ANXA4: variants seen among roughly 807,000 people sequenced by gnomAD.
ANXA4 encodes annexin A4, also known as 35-beta calcimedin.
In ANXA4, 39 loss-of-function variants were observed where a neutral mutation model predicts 49.8. That is an observed-to-expected ratio of 0.78 (90% CI 0.61 to 1.02). The LOEUF (loss-of-function observed/expected upper bound fraction) is 1.02, where lower values mean the gene tolerates loss of function less well. ANXA4 is among the 50% of genes least tolerant of loss of function. The pLI is 0.00. For missense variants in ANXA4, 360 were observed against 410.1 expected, an observed-to-expected ratio of 0.88 and a Z score of 1.05; for synonymous variants, 134 against 152.5, an observed-to-expected ratio of 0.88 and a Z score of 0.89.
At chr2:69,763,916 C>T (rs1191435693) in intron 1 of ANXA4, among the ~76,000 whole-genome samples, 1 of 152,192 alleles carries the variant, frequency 6.6e-6, no homozygotes, top group African/African-American at 2.4e-5. Flanking sequence ...CCTCCTCGGC[C>T]TCCCAAAGTG....
At chr2:69,820,964 T>C (rs554085134) in intron 12 of ANXA4, 143 bp downstream of exon 12, 21 of 948,280 alleles carry the variant, frequency 2.2e-5, no homozygotes, top group Middle Eastern at 3.4e-4. Flanking sequence ...CAGTCTCTCC[T>C]CTTTCACACA....
At chr2:69,815,717 A>G (rs562088575) in intron 8 of ANXA4, 3 of 193,900 alleles carry the variant, frequency 1.5e-5, no homozygotes, top group Admixed American at 5.3e-5. Flanking sequence ...GGTACTTGAA[A>G]TGAGGCCAAT....
chr2:69,737,748 G>A (rs1020840806), upstream of ANXA4, among the ~76,000 whole-genome samples: 5 of 152,142 alleles, frequency 3.3e-5, no homozygotes, highest in African/African-American at 7.2e-5. Context: ...ACAGGCTCAT[G>A]TCATCGCACC....
chr2:69,814,049 C>T (rs72839869), intron 8 of ANXA4, among the ~76,000 whole-genome samples: 33,327 of 151,794 alleles, frequency 0.22, 3,945 homozygotes, highest in African/African-American at 0.3. Context: ...TGAGCCACCG[C>T]GCCTGACCAT....
At chr2:69,679,760 G>C (rs148964466) in intron 2 of ANXA4, among the ~76,000 whole-genome samples, 1 of 152,080 alleles carries the variant, frequency 6.6e-6, no homozygotes, top group Non-Finnish European at 1.5e-5. Context: ...TATTGAAGAG[G>C]GTGTCCTTTT....
chr2:69,743,611 AC>A (rs1307753059), intron 1 of ANXA4, among the ~76,000 whole-genome samples: 2 of 151,932 alleles, frequency 1.3e-5, no homozygotes, highest in East Asian at 3.9e-4. Context: ...AAAACGGATA[AC>A]CCCATGACCC....
In ANXA4 at chr2:69,763,808, G is replaced by A. The variant is rs545187782; in HGVS notation, c.-46-17712G>A. Among the ~76,000 whole-genome samples the A allele has an allele frequency of 1.3e-4, 20 of 151,924 alleles. 1 individual carries two copies. Among genetic ancestry groups the A allele is most frequent in the Admixed American group, 6.6e-4 (10 of 15,254 alleles). ...CTCCTGAGTAGCTGGGATTACAGGCGTGCGCCACCACGCCTGGCTAATTTT... is the reference window on the plus strand; with the variant it reads ...CTCCTGAGTAGCTGGGATTACAGGCATGCGCCACCACGCCTGGCTAATTTT... On this transcript the variant is annotated intron_variant, in intron 1 of 12. Coordinates refer to ENST00000394295, the MANE Select transcript of ANXA4 (RefSeq NM_001153.5).
intron 3 of ANXA4, among the ~76,000 whole-genome samples, chr2:69,797,955 C>T (rs988508082): frequency 6.6e-6 from 1 of 152,192 alleles, no homozygotes; most frequent in African/African-American, 2.4e-5. Flanking sequence ...AGTAACTTTG[C>T]CTCCATATGC....
chr2:69,816,411 T>C (rs1424392899), intron 9 of ANXA4: 1 of 447,770 alleles, frequency 2.2e-6, no homozygotes, highest in Non-Finnish European at 4.0e-6. Context: ...AAAGTGCATG[T>C]AGTCATAGAA....
At chr2:69,649,566 C>T (rs1247577806) in intron 1 of ANXA4, among the ~76,000 whole-genome samples, 2 of 117,828 alleles carry the variant, frequency 1.7e-5, no homozygotes, top group Admixed American at 8.4e-5. Context: ...AATGAATATT[C>T]TCTTGTATTC....
At chr2:69,784,979 C>T (rs1335617109) in intron 2 of ANXA4, among the ~76,000 whole-genome samples, 1 of 152,186 alleles carries the variant, frequency 6.6e-6, no homozygotes, top group Non-Finnish European at 1.5e-5. Context: ...TGCAGTGGCC[C>T]TATTTCCAAA....
At chr2:69,819,211 C>G in intron 10 of ANXA4, 69 bp from the exon 11 acceptor site, 1 of 1,153,648 alleles carries the variant, frequency 8.7e-7, no homozygotes, top group Non-Finnish European at 1.2e-6. Context: ...GAGGAAACAA[C>G]TGTCACTTTT....
intron 2 of ANXA4, among the ~76,000 whole-genome samples, chr2:69,683,358 C>T (rs1018913675): frequency 1.3e-5 from 2 of 152,072 alleles, no homozygotes; most frequent in Non-Finnish European, 2.9e-5. Flanking sequence ...GGGAGCTTCC[C>T]GTTTTTGTTC....
chr2:69,695,505 C>G (rs980520405), intron 2 of ANXA4, among the ~76,000 whole-genome samples: 2 of 152,202 alleles, frequency 1.3e-5, no homozygotes. Flanking sequence ...CAGCATAGAA[C>G]AGCAGCCCAT....
At chr2:69,808,277 ATC>A in intron 6 of ANXA4, 1 of 341,078 alleles carries the variant, frequency 2.9e-6, no homozygotes, top group South Asian at 2.9e-5. Context: ...CAGACAAAGA[ATC>A]TAAGGTACTT....
chr2:69,819,144 A>G, intron 10 of ANXA4, 136 bp from the exon 11 acceptor site: 1 of 615,328 alleles, frequency 1.6e-6, no homozygotes, highest in South Asian at 2.2e-5. Context: ...ATGTTCATGA[A>G]ACATTGCTTG....
At chr2:69,741,745 G>C (rs2105467277), upstream of ANXA4, among the ~76,000 whole-genome samples, 1 of 152,334 alleles carries the variant, frequency 6.6e-6, no homozygotes, top group East Asian at 1.9e-4. Flanking sequence ...GGAGGAACTG[G>C]CGAGGTGGCC....
chr2:69,721,206 C>T (rs999435015), intron 3 of ANXA4, among the ~76,000 whole-genome samples: 1 of 152,232 alleles, frequency 6.6e-6, no homozygotes, highest in Non-Finnish European at 1.5e-5. Context: ...AGCCAAAAGC[C>T]AGCTGCTGTT....
chr2:69,804,416 C>T, intron 3 of ANXA4, 117 bp from the exon 4 acceptor site: 1 of 863,296 alleles, frequency 1.2e-6, no homozygotes, highest in Non-Finnish European at 1.8e-6. Context: ...GAATAAGGGC[C>T]TCTTTTCTTA....
Sources: gnomAD v4.1 joint callset for allele counts (sites outside exome capture counted in the v4.1 genomes callset) on GRCh38, gnomAD v4.1.1 for gene constraint, MANE v1.5 for transcripts, NCBI Gene and HGNC (gene_info 2026-07-23, HGNC 2026-07-21) for gene names.